The following MEGF8 variants were observed in gnomAD, a reference collection of about 807,000 sequenced individuals.
MEGF8 encodes the protein multiple epidermal growth factor-like domains protein 8.
A neutral mutation model predicts 302.9 loss-of-function variants in MEGF8; 156 were observed. The observed-to-expected ratio is 0.52, with a 90% CI of 0.45 to 0.59. The LOEUF (loss-of-function observed/expected upper bound fraction) is 0.59. MEGF8 is among the 20% of genes least tolerant of loss of function. MEGF8 has a pLI of 0.00. For missense variants in MEGF8, 3,345 were observed against 3,964.5 expected (o/e 0.84, Z 4.20); for synonymous variants, 1,621 against 1,660.5 (o/e 0.98, Z 0.58).
Position 42,360,855 on chromosome 19 carries a change from G to A in MEGF8, c.5569G>A (p.Gly1857Arg). The change falls in exon 32 of 42, where the codon GGG becomes AGG. Residue 1857 changes from glycine (G) to arginine (R), a missense_variant. Coordinates refer to ENST00000251268, the MANE Select transcript of MEGF8 (RefSeq NM_001271938.2). ...AAVGSRLYIS[G>R]GFGGVALGRL... ...AGTCGGGAGCCGCCTGTATATCTCTGGGGGTTTCGGGGGAGTGGCCCTGGG... is the reference window on the plus strand; with the variant it reads ...AGTCGGGAGCCGCCTGTATATCTCTAGGGGTTTCGGGGGAGTGGCCCTGGG... 3 of 1,613,270 alleles carry A rather than the reference G, an allele frequency of 1.9e-6. No individual in the cohort carries two copies. Among genetic ancestry groups the A allele is most frequent in the Non-Finnish European group, 2.5e-6 (3 of 1,179,780 alleles).
Position 42,348,335 on chromosome 19 carries a change from G to T in MEGF8, c.2161G>T (p.Val721Phe), listed in dbSNP as rs1404815017. 3 of 1,537,500 alleles carry T rather than the reference G, an allele frequency of 2.0e-6. No individual in the cohort carries two copies. The East Asian group carries it at 7.3e-5, about 38-fold the overall frequency. Residue 721 changes from valine (V) to phenylalanine (F), a missense_variant, in exon 13 of 42, where the codon GTC (valine) becomes TTC (phenylalanine). Transcript: ENST00000251268. Reference sequence around the variant, plus strand: ...CAGCGCAGAGACAGATGTGTCCCTGGTCTACCGTGGCTTCATCTACCCAAT... The same window carrying T: ...CAGCGCAGAGACAGATGTGTCCCTGTTCTACCGTGGCTTCATCTACCCAAT... ...TPSAETDVSL[V>F]YRGFIYPMLP...
intron 8 of MEGF8, among the ~76,000 whole-genome samples, chr19:42,341,153 C>G (rs1257734003): frequency 4.6e-5 from 7 of 152,022 alleles, no homozygotes; most frequent in Non-Finnish European, 1.0e-4. Flanking sequence ...AATTTTTGGC[C>G]AGGCACTGTG....
chr19:42,371,457 A>G lies in MEGF8; in HGVS notation c.7244A>G (p.Asp2415Gly). The G allele has an allele frequency of 6.2e-7, 1 of 1,613,832 alleles. No individual in the cohort carries two copies. The highest frequency in any genetic ancestry group is 8.5e-7 in the Non-Finnish European group (1 of 1,179,864). The change falls in exon 41 of 42, where the codon GAC becomes GGC. Residue 2415 changes from aspartate to glycine, a missense_variant. Transcript: ENST00000251268. ...TGTCQGSSPS[D>G]RRDCYKYQCA... ...ACATGCCAGGGCAGCTCCCCCAGTG[A>G]CCGTCGAGACTGCTACAAGTACCAG... is the stretch of plus-strand genomic sequence containing the variant.
intron 35 of MEGF8, among the ~76,000 whole-genome samples, chr19:42,365,266 C>T (rs1002727617): frequency 2.0e-5 from 3 of 152,112 alleles, no homozygotes; most frequent in Admixed American, 6.5e-5. Context: ...CCCAGCCTCT[C>T]GGTGCTTGCC....
In MEGF8 at chr19:42,357,478, G is replaced by A. The variant is rs761590112; in HGVS notation, c.4905G>A (p.Leu1635=). The A allele has an allele frequency of 6.2e-7, 1 of 1,613,810 alleles. No homozygotes were observed. The highest frequency in any genetic ancestry group is 8.5e-7 in the Non-Finnish European group (1 of 1,179,820). ...CCCGCCGAGGCCTGTCTCTGCTCCT[G>A]GTGGGCGGTTACTCCCCGGAAAATG... The part of the protein sequence containing the change: ...LTARRGLSLL[L]VGGYSPENGF... The change falls in exon 28 of 42, where the codon CTG becomes CTA. Residue 1635 remains leucine, a synonymous_variant. Coordinates refer to ENST00000251268, the MANE Select transcript of MEGF8 (RefSeq NM_001271938.2). The surrounding 1 kb of genome is among the most constrained non-coding windows in gnomAD (Gnocchi z 5.2).
In MEGF8 at chr19:42,376,817, A is replaced by G; in HGVS notation, c.*42A>G. The G allele has an allele frequency of 7.1e-7, 1 of 1,417,042 alleles. No homozygotes were observed. The highest frequency in any genetic ancestry group is 9.2e-7 in the Non-Finnish European group (1 of 1,089,468). The allele number at this position is 1,417,042 out of a possible 1,614,324, so 87.8% of individuals were successfully genotyped here. ...ATCCACAGCAGCTGGGTCACCTGAT[A>G]GGGCCGCCCTGGACTTGGGGTCCCT... On this transcript the variant is annotated 3_prime_UTR_variant, in exon 42 of 42. Coordinates refer to ENST00000251268, the MANE Select transcript of MEGF8 (RefSeq NM_001271938.2). The surrounding 1 kb of genome is among the most constrained non-coding windows in gnomAD (Gnocchi z 8.2).
At chr19:42,363,363 C>G (rs2039560859) in intron 35 of MEGF8, 101 bp downstream of exon 35, 1 of 958,720 alleles carries the variant, frequency 1.0e-6, no homozygotes, top group Non-Finnish European at 1.6e-6. Flanking sequence ...CTCCACCCTC[C>G]TCCTTCCATC....
Position 42,335,881 on chromosome 19 carries a change from C to G in MEGF8, c.829-50C>G, listed in dbSNP as rs1220956485. On this transcript the variant is annotated intron_variant, in intron 5 of 41. Transcript: ENST00000251268. ...TGCATCTCTCTGTCTAAGCCTGGCT[C>G]TGGCTCTCTTGCTGTGTCTCTACCT... 2.8e-6 allele frequency: 4 copies of G among 1,428,174 alleles called. No homozygotes were observed. The South Asian group carries it at 4.4e-5, about 16-fold the overall frequency. The allele number at this position is 1,428,174 out of a possible 1,614,324, so 88.5% of individuals were successfully genotyped here.
chr19:42,362,998 G>A (rs768642938), intron 34 of MEGF8, 50 bp from the exon 35 acceptor site: 43 of 1,514,722 alleles, frequency 2.8e-5, no homozygotes, highest in Non-Finnish European at 3.4e-5. Flanking sequence ...GAGGGGCTGG[G>A]CTTGCGATCT....
At chr19:42,374,717 G>A (rs1051423096) in intron 41 of MEGF8, among the ~76,000 whole-genome samples, 1 of 152,180 alleles carries the variant, frequency 6.6e-6, no homozygotes, top group Non-Finnish European at 1.5e-5. Flanking sequence ...TCTGTCTTTA[G>A]GAGTTTGCAT....
chr19:42,374,609 C>T (rs543010675), intron 41 of MEGF8, among the ~76,000 whole-genome samples: 72 of 152,236 alleles, frequency 4.7e-4, no homozygotes, highest in Middle Eastern at 6.8e-3. Context: ...ATCTATCCAG[C>T]CACACATTCA....
In MEGF8 at chr19:42,353,940, T is replaced by C; in HGVS notation, c.3927T>C (p.Thr1309=). The C allele has an allele frequency of 6.3e-7, 1 of 1,586,224 alleles. No individual in the cohort carries two copies. The highest frequency in any genetic ancestry group is 8.6e-7 in the Non-Finnish European group (1 of 1,166,584). ...LSYCVWVVSA[T]EELQPCAPGT... Reference sequence around the variant, plus strand: ...ACTGTGTGTGGGTTGTCTCGGCCACTGAGGAGCTACAGCCCTGTGCTCCCG... The same window carrying C: ...ACTGTGTGTGGGTTGTCTCGGCCACCGAGGAGCTACAGCCCTGTGCTCCCG... The change falls in exon 22 of 42, where the codon ACT becomes ACC. Residue 1309 remains threonine (T), a synonymous_variant. Coordinates refer to ENST00000251268, the MANE Select transcript of MEGF8 (RefSeq NM_001271938.2). The surrounding 1 kb of genome is among the most constrained non-coding windows in gnomAD (Gnocchi z 6.1).
chr19:42,346,682 AAAAT>A lies in MEGF8; in HGVS notation c.2098-1574_2098-1571del, dbSNP rs919205593. Among the ~76,000 whole-genome samples the A allele has an allele frequency of 5.3e-5, 8 of 151,718 alleles. No homozygotes were observed. In the South Asian group the frequency reaches 8.3e-4, roughly 16 times the overall value. On this transcript the variant is annotated intron_variant, in intron 12 of 41. Coordinates refer to ENST00000251268, the MANE Select transcript of MEGF8 (RefSeq NM_001271938.2). ...ACAGAGTGAGACTCCATTTTAATTAAAAATAAATAAATAAATAAAAGGCTGGGCA... is the reference window on the plus strand; with the variant it reads ...ACAGAGTGAGACTCCATTTTAATTAAAAATAAATAAATAAAAGGCTGGGCA...
At position 42,370,798 on chromosome 19, in the gene MEGF8, A is replaced by G; in HGVS notation, c.7103A>G (p.Gln2368Arg). ...SYGEKCESCL[Q>R]GYFLLDGKCT... ...GGGGAGAAATGCGAGAGCTGCCTGC[A>G]GGGCTACTTCCTCCTGGACGGGAAG... The change falls in exon 40 of 42, where the codon CAG (glutamine) becomes CGG (arginine). Residue 2368 changes from glutamine (Q) to arginine (R), a missense_variant. Gln to Arg is a conservative substitution (Grantham distance 43, BLOSUM62 1). Coordinates refer to ENST00000251268, the MANE Select transcript of MEGF8 (RefSeq NM_001271938.2). The G allele has an allele frequency of 1.5e-6, 2 of 1,366,676 alleles. No homozygotes were observed. Among genetic ancestry groups the G allele is most frequent in the Non-Finnish European group, 2.0e-6 (2 of 996,840 alleles). The allele number at this position is 1,366,676 out of a possible 1,614,324, so 84.7% of individuals were successfully genotyped here. A position where few individuals can be genotyped will look rare whatever the true frequency, so the allele number is the denominator to read the frequency against.
chr19:42,357,168 C>A lies in MEGF8; in HGVS notation c.4830+187C>A, dbSNP rs1600057838. Among the ~76,000 whole-genome samples the A allele has an allele frequency of 1.3e-5, 2 of 152,346 alleles. No individual in the cohort carries two copies. Among genetic ancestry groups the A allele is most frequent in the Middle Eastern group, 6.8e-3 (2 of 294 alleles). On this transcript the variant is annotated intron_variant, in intron 27 of 41. Coordinates refer to ENST00000251268, the MANE Select transcript of MEGF8 (RefSeq NM_001271938.2). This position sits in a 1 kb window ranked among gnomAD's most constrained non-coding sequence, Gnocchi z 5.2. Reference sequence around the variant, plus strand: ...GCTGGGACACAGCTTCACTCAGCAGCAGAGAGAGGCCAGGGGAGCAAGGGC... The same window carrying A: ...GCTGGGACACAGCTTCACTCAGCAGAAGAGAGAGGCCAGGGGAGCAAGGGC...
At position 42,363,105 on chromosome 19, in the gene MEGF8, A is replaced by C; in HGVS notation, c.6116A>C (p.His2039Pro). ...QPTYDWTCFS[H>P]SLLNVSPMPV... is the part of the protein sequence containing the mutation. ...ACCTATGACTGGACGTGCTTCAGCC[A>C]CTCTCTGCTGAATGTGTCCCCCATG... Residue 2039 changes from histidine (H) to proline (P), a missense_variant, in exon 35 of 42, where the codon CAC (histidine) becomes CCC (proline). Transcript: ENST00000251268. 1 of 1,612,946 alleles carries C rather than the reference A, an allele frequency of 6.2e-7. No individual in the cohort carries two copies. The highest frequency in any genetic ancestry group is 8.5e-7 in the Non-Finnish European group (1 of 1,179,518).
At chr19:42,359,853 A>AT (rs891961465) in intron 31 of MEGF8, among the ~76,000 whole-genome samples, 8,197 of 125,416 alleles carry the variant, frequency 0.065, 400 homozygotes, top group South Asian at 0.13. Flanking sequence ...CGCCTGGATA[A>AT]TTTTTTTTTT....
chr19:42,354,305 C>T lies in MEGF8; in HGVS notation c.4011+281C>T, dbSNP rs2039421137. The stretch of plus-strand genomic sequence containing the variant: ...CTAGAGCAGGAATGGTAAATTGTTA[C>T]ACCTTGTACACCAACTCTGATTGAT... On this transcript the variant is annotated intron_variant, in intron 22 of 41. Coordinates refer to ENST00000251268, the MANE Select transcript of MEGF8 (RefSeq NM_001271938.2). The surrounding 1 kb of genome is among the most constrained non-coding windows in gnomAD (Gnocchi z 4.3). 1.3e-5 allele frequency among the ~76,000 whole-genome samples: 2 copies of T among 151,990 alleles called. No individual in the cohort carries two copies. The highest frequency in any genetic ancestry group is 2.9e-5 in the Non-Finnish European group (2 of 68,012).
intron 1 of MEGF8, among the ~76,000 whole-genome samples, chr19:42,331,795 C>T (rs1171729296): frequency 2.0e-5 from 3 of 151,694 alleles, no homozygotes; most frequent in Admixed American, 2.0e-4. Flanking sequence ...GTCTCGAACT[C>T]TTGACCTCAA....
Sources: allele counts gnomAD v4.1 joint callset (sites outside exome capture counted in the v4.1 genomes callset), GRCh38; gene constraint gnomAD v4.1.1; non-coding constraint Gnocchi (gnomAD v3.1); transcripts MANE v1.5; gene names NCBI Gene and HGNC (gene_info 2026-07-23, HGNC 2026-07-21).